Variants in LNX1 observed in about 807,000 individuals in gnomAD.
The protein encoded by LNX1 is ligand of numb-protein X 1, also known as E3 ubiquitin-protein ligase LNX.
Under a neutral mutation model 68.4 loss-of-function variants are expected in LNX1, and 54 were observed. The observed-to-expected ratio is 0.79, with a 90% confidence interval of 0.63 to 0.99. The LOEUF is 0.99. Ranked by LOEUF, LNX1 falls within the 50% of genes least tolerant of loss-of-function variation. The probability of loss-of-function intolerance (pLI) is 0.00; values close to 1 mark genes in which losing one functional copy is unlikely to be tolerated. For synonymous variants in LNX1, 336 were observed against 350.0 expected (o/e 0.96, Z 0.45); for missense variants, 906 against 926.4 (o/e 0.98, Z 0.29).
intron 2 of LNX1, among the ~76,000 whole-genome samples, chr4:53,519,521 C>A (rs1013593334): frequency 2.0e-5 from 3 of 151,342 alleles, no homozygotes; most frequent in Admixed American, 2.0e-4. Flanking sequence ...GTATTAGGCC[C>A]ATCTTATAGA....
At chr4:53,582,290 T>G (rs1040251402) in intron 1 of LNX1, among the ~76,000 whole-genome samples, 1 of 152,220 alleles carries the variant, frequency 6.6e-6, no homozygotes, top group Non-Finnish European at 1.5e-5. Context: ...ATTGTTACAC[T>G]TGACAGAGAC....
At chr4:53,532,698 CAG>C (rs1360740472) in intron 2 of LNX1, among the ~76,000 whole-genome samples, 3 of 152,192 alleles carry the variant, frequency 2.0e-5, no homozygotes, top group Non-Finnish European at 4.4e-5. Flanking sequence ...ACAGACTAAA[CAG>C]AATTCCTGAG....
At chr4:53,579,797 T>C (rs921515119) in intron 1 of LNX1, among the ~76,000 whole-genome samples, 2 of 152,204 alleles carry the variant, frequency 1.3e-5, no homozygotes, top group Non-Finnish European at 2.9e-5. Context: ...TTATCAGATG[T>C]AGTTGCCAGA....
At chr4:53,523,576 A>G (rs1353646795) in intron 2 of LNX1, among the ~76,000 whole-genome samples, 2 of 152,206 alleles carry the variant, frequency 1.3e-5, no homozygotes, top group Non-Finnish European at 2.9e-5. Context: ...CGTAAGCCAC[A>G]GCACCTGGCC....
At chr4:53,651,387 AGTT>A (rs1735091647) in intron 1 of LNX1, among the ~76,000 whole-genome samples, 2 of 152,186 alleles carry the variant, frequency 1.3e-5, no homozygotes, top group South Asian at 4.1e-4. Context: ...CAGGGAACAT[AGTT>A]TATCGACATT....
At chr4:53,566,499 C>A (rs1390466316) in intron 2 of LNX1, among the ~76,000 whole-genome samples, 1 of 150,202 alleles carries the variant, frequency 6.7e-6, no homozygotes, top group Non-Finnish European at 1.5e-5. Context: ...CTGAAGGAAG[C>A]GCTAAACATG....
chr4:53,632,775 C>T (rs576460396), intron 1 of LNX1, among the ~76,000 whole-genome samples: 1 of 152,270 alleles, frequency 6.6e-6, no homozygotes, highest in South Asian at 2.1e-4. Flanking sequence ...GAAAAGAGGC[C>T]TCTATGGACA....
chr4:53,469,282 T>G (rs186416678), intron 9 of LNX1, among the ~76,000 whole-genome samples: 2 of 152,296 alleles, frequency 1.3e-5, no homozygotes, highest in Admixed American at 1.3e-4. Flanking sequence ...AAGATGTTCT[T>G]TGAAACCAAC....
Position 53,459,326 on chromosome 4 carries a change from TGAA to T in LNX1, c.*1578_*1580del. The T allele has an allele frequency of 1.3e-6, 2 of 1,557,592 alleles. No individual in the cohort carries two copies. The highest frequency in any genetic ancestry group is 1.7e-6 in the Non-Finnish European group (2 of 1,148,386). On this transcript the variant is annotated 3_prime_UTR_variant, in exon 11 of 11. Coordinates refer to ENST00000263925, the MANE Select transcript of LNX1 (RefSeq NM_001126328.3). ...GTAATAGTAGACGTCGCCATGAAAG[TGAA>T]GAAGGAGATAGTCACAGGAGACACA... is the stretch of plus-strand genomic sequence containing the variant.
intron 2 of LNX1, among the ~76,000 whole-genome samples, chr4:53,606,109 G>A (rs1171199074): frequency 2.6e-5 from 4 of 152,098 alleles, no homozygotes; most frequent in African/African-American, 9.6e-5. Flanking sequence ...GAGCTGAACC[G>A]AAGGAAACTG....
At chr4:53,643,530 C>A (rs1412586722) in intron 1 of LNX1, among the ~76,000 whole-genome samples, 1 of 152,152 alleles carries the variant, frequency 6.6e-6, no homozygotes, top group African/African-American at 2.4e-5. Flanking sequence ...GAAAGGGGTT[C>A]TTTGTTCATT....
At chr4:53,646,636 T>C (rs1734890498) in intron 1 of LNX1, among the ~76,000 whole-genome samples, 1 of 152,226 alleles carries the variant, frequency 6.6e-6, no homozygotes, top group African/African-American at 2.4e-5. Flanking sequence ...AATTTTTATA[T>C]GAAATCTCCT....
chr4:53,615,830 G>A (rs754083570), intron 2 of LNX1, among the ~76,000 whole-genome samples: 6 of 152,088 alleles, frequency 3.9e-5, no homozygotes, highest in Non-Finnish European at 8.8e-5. Flanking sequence ...TTTGATACAG[G>A]CATGCAATGC....
At chr4:53,650,340 G>A (rs1735049077) in intron 1 of LNX1, among the ~76,000 whole-genome samples, 1 of 152,194 alleles carries the variant, frequency 6.6e-6, no homozygotes, top group Non-Finnish European at 1.5e-5. Flanking sequence ...AGAACAAAGT[G>A]TCAGGGCCTA....
chr4:53,619,344 C>T (rs1560696279), upstream of LNX1, among the ~76,000 whole-genome samples: 1 of 152,176 alleles, frequency 6.6e-6, no homozygotes, highest in Non-Finnish European at 1.5e-5. Flanking sequence ...AGTCATACCC[C>T]ATTCCCTCAT....
intron 2 of LNX1, among the ~76,000 whole-genome samples, chr4:53,522,727 G>T (rs1727320842): frequency 6.6e-6 from 1 of 152,080 alleles, no homozygotes; most frequent in Non-Finnish European, 1.5e-5. Context: ...GCTCAGAGAA[G>T]AAACTTTTTA....
chr4:53,460,784 CT>C lies in LNX1; in HGVS notation c.*122del. ...AACTGGCTTTCATTAGATGATCATA[CT>C]TTTCCTGACATTTTTACAATGTATT... On this transcript the variant is annotated 3_prime_UTR_variant, in exon 11 of 11. Transcript: ENST00000263925. 1 of 1,040,218 alleles carries C rather than the reference CT, an allele frequency of 9.6e-7. No homozygotes were observed. The highest frequency in any genetic ancestry group is 2.7e-4 in the Middle Eastern group (1 of 3,722). 64.4% of individuals were successfully genotyped at this position (1,040,218 alleles called of 1,614,324 possible).
intron 9 of LNX1, among the ~76,000 whole-genome samples, chr4:53,474,601 G>A (rs1463255112): frequency 2.6e-5 from 4 of 152,050 alleles, no homozygotes; most frequent in African/African-American, 9.7e-5. Flanking sequence ...TACATTCTTT[G>A]GTGCATTCTG....
At chr4:53,632,808 G>T (rs932265525) in intron 1 of LNX1, among the ~76,000 whole-genome samples, 1 of 152,168 alleles carries the variant, frequency 6.6e-6, no homozygotes, top group Non-Finnish European at 1.5e-5. Context: ...CAGCAACTTG[G>T]TCACATTTCC....
Sources: allele counts gnomAD v4.1 joint callset (sites outside exome capture counted in the v4.1 genomes callset), GRCh38; gene constraint gnomAD v4.1.1; transcripts MANE v1.5; gene names NCBI Gene and HGNC (gene_info 2026-07-23, HGNC 2026-07-21).